Variants in NCF4 observed in about 807,000 individuals in gnomAD.
NCF4 encodes neutrophil cytosol factor 4.
NCF4 carries 30 observed loss-of-function variants against 41.7 expected under a neutral mutation model. That is an observed-to-expected ratio of 0.72 (90% CI 0.54 to 0.97). The LOEUF is 0.97. Ranked by LOEUF, NCF4 falls within the 50% of genes least tolerant of loss-of-function variation. NCF4 has a pLI of 0.00. For synonymous variants in NCF4, 195 were observed against 175.8 expected (o/e 1.11, Z -0.87); for missense variants, 432 against 460.9 (o/e 0.94, Z 0.57).
chr22:36,871,508 G>A, intron 5 of NCF4, 144 bp from the exon 6 acceptor site: 1 of 891,588 alleles, frequency 1.1e-6, no homozygotes, highest in East Asian at 2.7e-5. Context: ...TGCCCGCCCA[G>A]AGGAGCAATT....
In NCF4 at chr22:36,875,697, G is replaced by A; in HGVS notation, c.672G>A (p.Val224=). 6.2e-7 allele frequency: 1 copy of A among 1,613,340 alleles called. No individual in the cohort carries two copies. Among genetic ancestry groups the A allele is most frequent in the Non-Finnish European group, 8.5e-7 (1 of 1,180,036 alleles). The change falls in exon 8 of 10, where the codon GTG becomes GTA. Residue 224 remains valine, a synonymous_variant. Coordinates refer to ENST00000248899, the MANE Select transcript of NCF4 (RefSeq NM_000631.5). ...GATGIFPLSF[V]KILKDFPEED... ...CGGGCATCTTCCCTCTCTCCTTCGT[G>A]AAGATCCTCAAAGACTTCCCTGAGG...
At chr22:36,862,624 T>C (rs2145699559) in intron 1 of NCF4, among the ~76,000 whole-genome samples, 2 of 152,290 alleles carry the variant, frequency 1.3e-5, no homozygotes, top group African/African-American at 4.8e-5. Flanking sequence ...GGGACTGCTT[T>C]TCATGAGGCC....
At chr22:36,867,265 A>T (rs1388756115) in intron 3 of NCF4, 127 bp from the exon 4 acceptor site, 7 of 949,288 alleles carry the variant, frequency 7.4e-6, no homozygotes, top group Non-Finnish European at 1.2e-5. Context: ...CTGTGAAAAG[A>T]TAACAGGGAA....
Position 36,870,307 on chromosome 22 carries a change from G to A in NCF4, c.343-108G>A, listed in dbSNP as rs1190667720. ...TTCTGTTATCAGGCATCATGCATTA[G>A]TAAAGAGAGGAGGGCTGATGTCAGG... is the stretch of plus-strand genomic sequence containing the variant. On this transcript the variant is annotated intron_variant, in intron 4 of 9. Transcript: ENST00000248899. 7 of 1,482,432 alleles carry A rather than the reference G, an allele frequency of 4.7e-6. No homozygotes were observed. In the African/African-American group the frequency reaches 8.3e-5, roughly 18 times the overall value. 91.8% of individuals were successfully genotyped at this position (1,482,432 alleles called of 1,614,324 possible).
intron 3 of NCF4, 52 bp from the exon 4 acceptor site, chr22:36,867,340 C>T: frequency 6.2e-7 from 1 of 1,602,608 alleles, no homozygotes; most frequent in Non-Finnish European, 8.5e-7. Flanking sequence ...AGCCCTGAGC[C>T]CCGGGGCCAT....
In NCF4 at chr22:36,877,927, C is replaced by T; in HGVS notation, c.*104C>T. The T allele has an allele frequency of 8.4e-7, 1 of 1,195,074 alleles. No individual in the cohort carries two copies. Among genetic ancestry groups the T allele is most frequent in the South Asian group, 1.4e-5 (1 of 73,198 alleles). The allele number at this position is 1,195,074 out of a possible 1,614,324, so 74.0% of individuals were successfully genotyped here. A position where few individuals can be genotyped will look rare whatever the true frequency, so the allele number is the denominator to read the frequency against. ...CTGGGAGGATGGGCAGACTTCCTGT[C>T]TTTGAGGCTAATGGACCCGTGGGGC... On this transcript the variant is annotated 3_prime_UTR_variant, in exon 10 of 10. Coordinates refer to ENST00000248899, the MANE Select transcript of NCF4 (RefSeq NM_000631.5).
chr22:36,865,813 G>GC lies in NCF4; in HGVS notation c.271+741_271+742insC, dbSNP rs1939914031. ...CAAGCTCCAACCCCATCTCCAGTTTGTTTTTTCTGTCTCTGTTTCTGTCTC... is the reference window on the plus strand; with the variant it reads ...CAAGCTCCAACCCCATCTCCAGTTTGCTTTTTTCTGTCTCTGTTTCTGTCTC... On this transcript the variant is annotated intron_variant, in intron 3 of 9. Transcript: ENST00000248899. The surrounding 1 kb of genome is among the most constrained non-coding windows in gnomAD (Gnocchi z 4.3). Among the ~76,000 whole-genome samples, 1 of 152,086 alleles carries GC rather than the reference G, an allele frequency of 6.6e-6. No homozygotes were observed.
At chr22:36,873,041 A>G (rs373410427) in intron 7 of NCF4, among the ~76,000 whole-genome samples, 1 of 147,382 alleles carries the variant, frequency 6.8e-6, no homozygotes, top group East Asian at 2.1e-4. Flanking sequence ...ATTGGAGGTG[A>G]GGATGGAGGT....
intron 2 of NCF4, among the ~76,000 whole-genome samples, 185 bp downstream of exon 2, chr22:36,864,314 T>G (rs1939867395): frequency 6.6e-6 from 1 of 152,218 alleles, no homozygotes; most frequent in Admixed American, 6.5e-5. Flanking sequence ...TATTGCATCT[T>G]GGGGCAGGTC....
At position 36,867,434 on chromosome 22, in the gene NCF4, G is replaced by A. The variant is rs387906808; in HGVS notation, c.314G>A (p.Arg105Gln). Residue 105 changes from arginine to glutamine, a missense_variant, in exon 4 of 10, where the codon CGG becomes CAG. Coordinates refer to ENST00000248899, the MANE Select transcript of NCF4 (RefSeq NM_000631.5). Reference protein sequence around the residue: ...VGVKQEIAEMRIPALNAYMKS... With the variant: ...VGVKQEIAEMQIPALNAYMKS... ...GTGAAACAGGAGATCGCCGAGATGC[G>A]GATACCTGCCCTCAACGCCTACATG... 1.8e-5 allele frequency: 29 copies of A among 1,614,046 alleles called. No homozygotes were observed. Among genetic ancestry groups the A allele is most frequent in the South Asian group, 5.5e-5 (5 of 91,086 alleles).
At chr22:36,876,434 G>C (rs867185595) in intron 9 of NCF4, among the ~76,000 whole-genome samples, 4 of 152,322 alleles carry the variant, frequency 2.6e-5, no homozygotes, top group Admixed American at 1.3e-4. Flanking sequence ...TTGCTGGACA[G>C]TTATTTTACA....
rs762576326 is a variant in NCF4 at position 36,861,194 on chromosome 22, G to A, written c.23G>A (p.Arg8Gln). 4.1e-5 allele frequency: 64 copies of A among 1,551,478 alleles called. No individual in the cohort carries two copies. Among genetic ancestry groups the A allele is most frequent in the South Asian group, 1.2e-4 (10 of 84,054 alleles). Residue 8 changes from arginine to glutamine, a missense_variant, in exon 1 of 10, where the codon CGG (arginine) becomes CAG (glutamine). Physicochemically the swap from Arg to Gln is conservative, Grantham distance 43 (BLOSUM62 1). Coordinates refer to ENST00000248899, the MANE Select transcript of NCF4 (RefSeq NM_000631.5). ...ACCATGGCTGTGGCCCAGCAGCTGCGGGCCGAGAGGTGAGTGCCGGGGTGT... is the reference window on the plus strand; with the variant it reads ...ACCATGGCTGTGGCCCAGCAGCTGCAGGCCGAGAGGTGAGTGCCGGGGTGT... MAVAQQL[R>Q]AESDFEQLPD...
chr22:36,874,325 G>T (rs569448283), intron 7 of NCF4, among the ~76,000 whole-genome samples: 1 of 152,240 alleles, frequency 6.6e-6, no homozygotes, highest in Admixed American at 6.5e-5. Context: ...TGTGGGGAGT[G>T]TTGAAGGAGG....
In NCF4 at chr22:36,871,672, G is replaced by T; in HGVS notation, c.491G>T (p.Gly164Val). ...CACAGCAAGAGCGTGTCCCCACAGG[G>T]CAACAGCGTTGACCGCATGGCAGCT... The part of the protein sequence containing the change: ...TRKVKSVSPQ[G>V]NSVDRMAAPR... The change falls in exon 6 of 10, where the codon GGC becomes GTC. Residue 164 changes from glycine to valine, a missense_variant. Physicochemically the swap from Gly to Val is moderately radical, Grantham distance 109. Coordinates refer to ENST00000248899, the MANE Select transcript of NCF4 (RefSeq NM_000631.5). 1 of 1,571,420 alleles carries T rather than the reference G, an allele frequency of 6.4e-7. No individual in the cohort carries two copies. The highest frequency in any genetic ancestry group is 8.6e-7 in the Non-Finnish European group (1 of 1,157,262).
chr22:36,871,512 A>G (rs1364741422), intron 5 of NCF4, 140 bp from the exon 6 acceptor site: 9 of 900,784 alleles, frequency 1.0e-5, no homozygotes, highest in Non-Finnish European at 1.6e-5. Context: ...CGCCCAGAGG[A>G]GCAATTGCAG....
At chr22:36,861,908 G>A (rs750507350) in intron 1 of NCF4, among the ~76,000 whole-genome samples, 1 of 152,182 alleles carries the variant, frequency 6.6e-6, no homozygotes, top group Non-Finnish European at 1.5e-5. Context: ...GGATCTTTGA[G>A]ACGGAAAAGG....
Position 36,867,433 on chromosome 22 carries a change from C to T in NCF4, c.313C>T (p.Arg105Trp), listed in dbSNP as rs756948322. The T allele has an allele frequency of 7.4e-6, 12 of 1,614,146 alleles. No individual in the cohort carries two copies. The highest frequency in any genetic ancestry group is 1.7e-5 in the Admixed American group (1 of 60,020). Residue 105 changes from arginine (R) to tryptophan (W), a missense_variant, in exon 4 of 10, where the codon CGG becomes TGG. Transcript: ENST00000248899. ...TGTGAAACAGGAGATCGCCGAGATG[C>T]GGATACCTGCCCTCAACGCCTACAT... ...VGVKQEIAEM[R>W]IPALNAYMKS...
At position 36,865,773 on chromosome 22, in the gene NCF4, T is replaced by A. The variant is rs917081666; in HGVS notation, c.271+701T>A. Among the ~76,000 whole-genome samples, 5 of 152,152 alleles carry A rather than the reference T, an allele frequency of 3.3e-5. No homozygotes were observed. Among genetic ancestry groups the A allele is most frequent in the African/African-American group, 1.2e-4 (5 of 41,434 alleles). On this transcript the variant is annotated intron_variant, in intron 3 of 9. Coordinates refer to ENST00000248899, the MANE Select transcript of NCF4 (RefSeq NM_000631.5). The surrounding 1 kb of genome is among the most constrained non-coding windows in gnomAD (Gnocchi z 4.3). Reference sequence around the variant, plus strand: ...GACAATTGTCTCCCTTCCCCAAGCCTCAGGGACCCTTCCCCAAGCTCCAAC... The same window carrying A: ...GACAATTGTCTCCCTTCCCCAAGCCACAGGGACCCTTCCCCAAGCTCCAAC...
At chr22:36,872,492 T>C (rs1303296133) in intron 7 of NCF4, 67 bp downstream of exon 7, 2 of 1,354,698 alleles carry the variant, frequency 1.5e-6, no homozygotes, top group Non-Finnish European at 2.1e-6. Context: ...AAAGTGAAGA[T>C]AGAGGTGAGG....
Sources: gnomAD v4.1 joint callset for allele counts (sites outside exome capture counted in the v4.1 genomes callset) on GRCh38, gnomAD v4.1.1 for gene constraint, Gnocchi (gnomAD v3.1) non-coding constraint, MANE v1.5 for transcripts, NCBI Gene and HGNC (gene_info 2026-07-23, HGNC 2026-07-21) for gene names.